Variants in ANO4 observed in about 807,000 individuals in gnomAD.
ANO4 encodes the protein anoctamin 4, also known as anoctamin-4.
In ANO4, 69 loss-of-function variants were observed where a neutral mutation model predicts 141.9. The ratio of observed to expected loss-of-function variants is 0.49; its 90% CI spans 0.40 to 0.59. The LOEUF is 0.59. Ranked by LOEUF, ANO4 falls within the 20% of genes least tolerant of loss-of-function variation. The pLI is 0.00. For synonymous variants in ANO4, 350 were observed against 394.3 expected (o/e 0.89, Z 1.33); for missense variants, 894 against 1,162.2 (o/e 0.77, Z 3.36).
At chr12:100,931,150 A>G (rs1486668151) in intron 3 of ANO4, among the ~76,000 whole-genome samples, 3 of 152,172 alleles carry the variant, frequency 2.0e-5, no homozygotes, top group Non-Finnish European at 2.9e-5. Flanking sequence ...ATGAGCATCT[A>G]GAGAGTCTTG....
In ANO4 at chr12:100,866,042, G is replaced by A. The variant is rs116080068; in HGVS notation, c.-140-35604G>A. ...TTGGCAGAAGCCACACGGCAGGGGA[G>A]CCCATTGACAGAGTCCATTCCAGTC... On this transcript the variant is annotated intron_variant, in intron 1 of 27. Transcript: ENST00000392977. 5.1e-3 allele frequency among the ~76,000 whole-genome samples: 784 copies of A among 152,266 alleles called. 9 individuals carry two copies. Among genetic ancestry groups the A allele is most frequent in the African/African-American group, 0.018 (759 of 41,540 alleles).
At chr12:101,068,146 G>GA (rs747392334) in intron 14 of ANO4, 1 of 809,212 alleles carries the variant, frequency 1.2e-6, no homozygotes, top group Non-Finnish European at 1.7e-6. Context: ...GGAAGGTTAA[G>GA]AAAAAACAGG....
chr12:100,754,590 G>A (rs2032528401), intron 3 of ANO4, among the ~76,000 whole-genome samples: 2 of 152,082 alleles, frequency 1.3e-5, no homozygotes, highest in South Asian at 2.1e-4. Context: ...TTGAAAACAG[G>A]TATTCAAACA....
At chr12:100,776,068 G>A (rs1490416569) in intron 3 of ANO4, among the ~76,000 whole-genome samples, 1 of 152,188 alleles carries the variant, frequency 6.6e-6, no homozygotes, top group South Asian at 2.1e-4. Flanking sequence ...GTTCATTCAT[G>A]AATTTGTTTC....
intron 8 of ANO4, among the ~76,000 whole-genome samples, chr12:101,014,408 A>G (rs2046230944): frequency 6.6e-6 from 1 of 152,212 alleles, no homozygotes; most frequent in Non-Finnish European, 1.5e-5. Context: ...TAGAAAGCAT[A>G]AAGGTCGAGC....
chr12:100,864,094 C>T (rs1291521019), intron 1 of ANO4, among the ~76,000 whole-genome samples: 1 of 152,160 alleles, frequency 6.6e-6, no homozygotes, highest in Non-Finnish European at 1.5e-5. Flanking sequence ...CTGACAGTGA[C>T]TCCAGCCATC....
intron 17 of ANO4, among the ~76,000 whole-genome samples, chr12:101,090,814 C>G (rs554263644): frequency 1.3e-5 from 2 of 152,040 alleles, no homozygotes; most frequent in East Asian, 3.9e-4. Flanking sequence ...CCATATGTTT[C>G]GAGCAGGTGC....
At chr12:100,966,524 A>T (rs2136251316) in intron 5 of ANO4, among the ~76,000 whole-genome samples, 1 of 152,210 alleles carries the variant, frequency 6.6e-6, no homozygotes, top group South Asian at 2.1e-4. Context: ...AGCCCTTTAA[A>T]TATCATGTTT....
At chr12:100,771,902 G>A (rs753903830) in intron 3 of ANO4, among the ~76,000 whole-genome samples, 20 of 152,206 alleles carry the variant, frequency 1.3e-4, no homozygotes, top group African/African-American at 4.6e-4. Context: ...ACCAAGTCTG[G>A]TGTGGGGAGG....
At chr12:101,096,188 GA>G (rs71438410) in intron 18 of ANO4, among the ~76,000 whole-genome samples, 16,277 of 152,216 alleles carry the variant, frequency 0.11, 1,216 homozygotes, top group Non-Finnish European at 0.15. Flanking sequence ...AAGAGGAAAA[GA>G]AAAGGCTACT....
At chr12:100,785,401 T>C (rs1163171401) in intron 3 of ANO4, among the ~76,000 whole-genome samples, 2 of 152,200 alleles carry the variant, frequency 1.3e-5, no homozygotes, top group African/African-American at 4.8e-5. Flanking sequence ...TGCCTGTTCA[T>C]CCCTCCTTCC....
chr12:100,728,301 G>A (rs2136778631), intron 1 of ANO4, among the ~76,000 whole-genome samples: 1 of 152,308 alleles, frequency 6.6e-6, no homozygotes, highest in East Asian at 1.9e-4. Flanking sequence ...AATAAAATGT[G>A]TGTAGTTTTG....
chr12:100,737,784 T>TA, intron 2 of ANO4, among the ~76,000 whole-genome samples: 1 of 152,252 alleles, frequency 6.6e-6, no homozygotes, highest in East Asian at 1.9e-4. Context: ...AGGTGTTTTC[T>TA]AAAATCTCCT....
intron 1 of ANO4, among the ~76,000 whole-genome samples, chr12:100,805,400 T>G (rs10161067): frequency 0.11 from 16,059 of 152,248 alleles, 1,180 homozygotes; most frequent in East Asian, 0.35. Flanking sequence ...TCCAGCTTTA[T>G]TCTTTTTGCT....
intron 3 of ANO4, among the ~76,000 whole-genome samples, chr12:100,769,707 C>T (rs1238119919): frequency 2.0e-5 from 3 of 152,158 alleles, no homozygotes; most frequent in Non-Finnish European, 4.4e-5. Flanking sequence ...TGTATTTTCA[C>T]TCATTATATC....
intron 2 of ANO4, among the ~76,000 whole-genome samples, chr12:100,736,815 C>A (rs1406562007): frequency 2.0e-5 from 3 of 152,038 alleles, no homozygotes; most frequent in Admixed American, 6.6e-5. Context: ...TGATGCATCT[C>A]CAAGCCAAGG....
chr12:100,801,118 T>TCC (rs915923731), intron 1 of ANO4, among the ~76,000 whole-genome samples: 1 of 151,728 alleles, frequency 6.6e-6, no homozygotes, highest in African/African-American at 2.4e-5. Flanking sequence ...TCTCTCTCTC[T>TCC]CTCTCTCAAA....
intron 8 of ANO4, among the ~76,000 whole-genome samples, chr12:101,016,127 G>A (rs932065131): frequency 3.3e-4 from 50 of 152,264 alleles, no homozygotes; most frequent in African/African-American, 1.2e-3. Context: ...CATAGCCCCT[G>A]TGTTAGGTTA....
Position 101,123,041 on chromosome 12 carries a change from T to A in ANO4, c.2676+2416T>A, listed in dbSNP as rs565386762. On this transcript the variant is annotated intron_variant, in intron 26 of 27. Coordinates refer to ENST00000392977, the MANE Select transcript of ANO4 (RefSeq NM_001286615.2). ...GTTTGCATTTCTATGACTCTAGTCA[T>A]AAGTGGAAATTTCATCTCTTGTCAC... Among the ~76,000 whole-genome samples the A allele has an allele frequency of 2.3e-3, 352 of 152,344 alleles. 1 individual carries two copies. Among genetic ancestry groups the A allele is most frequent in the Middle Eastern group, 0.02 (6 of 294 alleles).
Sources: gnomAD v4.1 joint callset for allele counts (sites outside exome capture counted in the v4.1 genomes callset) on GRCh38, gnomAD v4.1.1 for gene constraint, MANE v1.5 for transcripts, NCBI Gene and HGNC (gene_info 2026-07-23, HGNC 2026-07-21) for gene names.